The following MMS22L variants were observed in gnomAD, a reference collection of about 807,000 sequenced individuals.
The protein encoded by MMS22L is protein MMS22-like.
In MMS22L, 74 loss-of-function variants were observed where a neutral mutation model predicts 159.1. The ratio of observed to expected loss-of-function variants is 0.47; its 90% confidence interval spans 0.39 to 0.56. The LOEUF is 0.56. MMS22L is among the 20% of genes least tolerant of loss of function. MMS22L has a pLI of 0.00. For missense variants in MMS22L, 1,351 were observed against 1,422.1 expected (o/e 0.95, Z 0.80); for synonymous variants, 517 against 506.9 (o/e 1.02, Z -0.27).
intron 12 of MMS22L, among the ~76,000 whole-genome samples, chr6:97,232,295 G>A (rs1478864313): frequency 2.0e-5 from 3 of 152,086 alleles, no homozygotes; most frequent in African/African-American, 4.8e-5. Context: ...AACAGTTTTC[G>A]TAGCATTGAT....
intron 18 of MMS22L, among the ~76,000 whole-genome samples, chr6:97,177,739 C>T (rs1804270386): frequency 6.6e-6 from 1 of 151,974 alleles, no homozygotes; most frequent in South Asian, 2.1e-4. Context: ...TAATAGAAAC[C>T]AATGGAAGAA....
chr6:97,253,053 GAGA>G (rs1259423582), intron 10 of MMS22L, among the ~76,000 whole-genome samples: 1 of 152,110 alleles, frequency 6.6e-6, no homozygotes, highest in East Asian at 1.9e-4. Flanking sequence ...TCTTTTCTGT[GAGA>G]AGTTCATTGA....
chr6:97,224,995 T>C (rs943120087), intron 14 of MMS22L, among the ~76,000 whole-genome samples: 3 of 152,214 alleles, frequency 2.0e-5, no homozygotes, highest in Non-Finnish European at 2.9e-5. Context: ...GTGCCAGTTC[T>C]GAAATTTAAA....
intron 15 of MMS22L, 142 bp downstream of exon 15, chr6:97,186,355 A>C (rs1805226719): frequency 1.8e-6 from 1 of 567,084 alleles, no homozygotes; most frequent in African/African-American, 2.0e-5. Context: ...AAAGGATCCC[A>C]ATTTATTAAT....
chr6:97,153,019 T>G (rs1445643179), intron 22 of MMS22L, among the ~76,000 whole-genome samples: 1 of 151,810 alleles, frequency 6.6e-6, no homozygotes. Flanking sequence ...AAAAAAGCTT[T>G]TTGTAGAGAT....
At chr6:97,154,415 TTTC>T (rs1242344774) in intron 22 of MMS22L, among the ~76,000 whole-genome samples, 3 of 152,188 alleles carry the variant, frequency 2.0e-5, no homozygotes, top group East Asian at 3.8e-4. Context: ...GTCTTTTCAC[TTTC>T]TTAACAGTGT....
chr6:97,214,676 A>AT (rs770886024), intron 14 of MMS22L, among the ~76,000 whole-genome samples: 200 of 105,852 alleles, frequency 1.9e-3, no homozygotes, highest in Non-Finnish European at 2.5e-3. Flanking sequence ...AGATTTTACT[A>AT]TTTTTTTTGT....
Sources: gnomAD v4.1 joint callset for allele counts (sites outside exome capture counted in the v4.1 genomes callset) on GRCh38, gnomAD v4.1.1 for gene constraint, MANE v1.5 for transcripts, NCBI Gene and HGNC (gene_info 2026-07-23, HGNC 2026-07-21) for gene names.